The following GAPVD1 variants were observed in gnomAD, a reference collection of about 807,000 sequenced individuals.
GAPVD1 encodes GTPase activating protein and VPS9 domains 1.
In GAPVD1, 35 loss-of-function variants were observed where a neutral mutation model predicts 155.5. That is an observed-to-expected ratio of 0.23 (90% CI 0.17 to 0.30). The LOEUF is 0.30. Among genes scored for constraint, GAPVD1 ranks in the 10% least tolerant of loss-of-function variants. GAPVD1 has a pLI of 1.00. For missense variants in GAPVD1, 1,429 were observed against 1,775.7 expected (o/e 0.80, Z 3.51); for synonymous variants, 636 against 619.7 (o/e 1.03, Z -0.39).
chr9:125,327,840 G>A (rs1294425282), intron 12 of GAPVD1, among the ~76,000 whole-genome samples: 1 of 152,128 alleles, frequency 6.6e-6, no homozygotes, highest in African/African-American at 2.4e-5. Context: ...ACAAGAGATG[G>A]TGGTATCATG....
intron 8 of GAPVD1, chr9:125,308,234 T>G: frequency 3.7e-6 from 1 of 272,240 alleles, no homozygotes; most frequent in Non-Finnish European, 6.9e-6. Flanking sequence ...TGGTCCCTGC[T>G]ACTTGGGAGG....
intron 3 of GAPVD1, among the ~76,000 whole-genome samples, chr9:125,298,686 C>T (rs1157566240): frequency 1.3e-5 from 2 of 151,792 alleles, no homozygotes; most frequent in Admixed American, 1.3e-4. Flanking sequence ...ACAGGGGTTT[C>T]ACCATGTTGG....
At chr9:125,320,292 T>C (rs1377819190) in intron 9 of GAPVD1, among the ~76,000 whole-genome samples, 5 of 152,202 alleles carry the variant, frequency 3.3e-5, no homozygotes, top group Non-Finnish European at 4.4e-5. Context: ...GGTGGAGATA[T>C]ACACACAAAG....
At chr9:125,350,580 A>C in intron 22 of GAPVD1, 133 bp from the exon 23 acceptor site, 1 of 682,506 alleles carries the variant, frequency 1.5e-6, no homozygotes, top group Non-Finnish European at 2.5e-6. Context: ...AGTATTTTCT[A>C]ATTGGGAGTG....
intron 2 of GAPVD1, among the ~76,000 whole-genome samples, chr9:125,283,587 T>C (rs553316078): frequency 7.9e-5 from 12 of 152,174 alleles, no homozygotes; most frequent in African/African-American, 2.6e-4. Flanking sequence ...GGTCCCAAAC[T>C]CCTGGGCTCA....
intron 2 of GAPVD1, among the ~76,000 whole-genome samples, chr9:125,291,364 T>A (rs1214002607): frequency 6.6e-6 from 1 of 152,108 alleles, no homozygotes; most frequent in Non-Finnish European, 1.5e-5. Context: ...GGCAGAACAT[T>A]TGATTTAACT....
chr9:125,263,912 C>T (rs922461845), intron 1 of GAPVD1: 5 of 1,444,478 alleles, frequency 3.5e-6, no homozygotes, highest in South Asian at 2.3e-5. Flanking sequence ...GTAGAAATGT[C>T]TCCAGGCAAA....
At chr9:125,326,621 C>T (rs1281163406) in intron 12 of GAPVD1, 32 bp downstream of exon 12, 9 of 1,511,886 alleles carry the variant, frequency 6.0e-6, no homozygotes, top group East Asian at 2.3e-5. Context: ...TGAAATATCA[C>T]GGTTTAGTTA....
In GAPVD1 at chr9:125,341,275, A is replaced by G; in HGVS notation, c.2965+11A>G. On this transcript the variant is annotated intron_variant, in intron 18 of 27. Coordinates refer to ENST00000297933, the MANE Select transcript of GAPVD1 (RefSeq NM_001282680.3). ...CAGCCATGCCTAAAGGTAATTTTATAAAATATTAGAACGCTGTATTAGCAA... is the reference window on the plus strand; with the variant it reads ...CAGCCATGCCTAAAGGTAATTTTATGAAATATTAGAACGCTGTATTAGCAA... The G allele has an allele frequency of 7.5e-7, 1 of 1,332,450 alleles. No individual in the cohort carries two copies. The highest frequency in any genetic ancestry group is 1.2e-5 in the South Asian group (1 of 82,296). 82.5% of individuals were successfully genotyped at this position (1,332,450 alleles called of 1,614,324 possible). A position where few individuals can be genotyped will look rare whatever the true frequency, so the allele number is the denominator to read the frequency against.
At position 125,354,709 on chromosome 9, in the gene GAPVD1, A is replaced by G; in HGVS notation, c.3625A>G (p.Thr1209Ala). The change falls in exon 24 of 28, where the codon ACA becomes GCA. Residue 1209 changes from threonine to alanine, a missense_variant. Physicochemically the swap from Thr to Ala is moderately conservative, Grantham distance 58. Coordinates refer to ENST00000297933, the MANE Select transcript of GAPVD1 (RefSeq NM_001282680.3). ...TCGTTGTCGACAAGGACTACAGACCACACAGGCTCACCTGGAAAGGCTATT... is the reference window on the plus strand; with the variant it reads ...TCGTTGTCGACAAGGACTACAGACCGCACAGGCTCACCTGGAAAGGCTATT... ...LTRCRQGLQT[T>A]QAHLERLLQR... 6.2e-7 allele frequency: 1 copy of G among 1,613,746 alleles called. No individual in the cohort carries two copies.
intron 3 of GAPVD1, among the ~76,000 whole-genome samples, chr9:125,296,387 ACT>A (rs1288520309): frequency 9.8e-5 from 6 of 61,428 alleles, no homozygotes; most frequent in African/African-American, 7.9e-4. Flanking sequence ...ATGGAGTCTT[ACT>A]CTGTCACCAG....
chr9:125,350,567 T>A, intron 22 of GAPVD1, 146 bp from the exon 23 acceptor site: 1 of 678,620 alleles, frequency 1.5e-6, no homozygotes, highest in Non-Finnish European at 2.5e-6. Flanking sequence ...GATGATTTAT[T>A]AAAGTATTTT....
In GAPVD1 at chr9:125,326,497, T is replaced by C. The variant is rs771739172; in HGVS notation, c.1940T>C (p.Ile647Thr). Reference sequence around the variant, plus strand: ...ATGGGATTAACAGATGATAGGGACATATCAGAAACAGTGAGTGAGACCTGG... The same window carrying C: ...ATGGGATTAACAGATGATAGGGACACATCAGAAACAGTGAGTGAGACCTGG... ...DMMGLTDDRD[I>T]SETVSETWST... Residue 647 changes from isoleucine to threonine, a missense_variant, in exon 12 of 28, where the codon ATA (isoleucine) becomes ACA (threonine). By Grantham distance (89) the Ile-to-Thr change is moderately conservative. This residue lies in a region of GAPVD1 where 699 missense variants were observed against 826.0 expected (regional missense o/e 0.85). Transcript: ENST00000297933. 4 of 1,607,726 alleles carry C rather than the reference T, an allele frequency of 2.5e-6. No individual in the cohort carries two copies. The highest frequency in any genetic ancestry group is 3.4e-6 in the Non-Finnish European group (4 of 1,174,264).
At chr9:125,341,088 A>G in intron 17 of GAPVD1, 89 bp from the exon 18 acceptor site, 1 of 803,484 alleles carries the variant, frequency 1.2e-6, no homozygotes, top group South Asian at 1.4e-5. Flanking sequence ...CTATCTCAAA[A>G]CAAAACAAAA....
chr9:125,273,079 C>G (rs1352753330), intron 2 of GAPVD1, among the ~76,000 whole-genome samples: 1 of 152,132 alleles, frequency 6.6e-6, no homozygotes. Flanking sequence ...TTCTTAGTTA[C>G]TTGGTTTATC....
At chr9:125,338,688 C>T (rs1041154863) in intron 17 of GAPVD1, among the ~76,000 whole-genome samples, 2 of 152,028 alleles carry the variant, frequency 1.3e-5, no homozygotes, top group African/African-American at 2.4e-5. Flanking sequence ...TTTTTCATTG[C>T]ACTTTGTCAG....
At position 125,321,429 on chromosome 9, in the gene GAPVD1, T is replaced by A. The variant is rs1213167044; in HGVS notation, c.1603-4T>A. 2 of 1,606,162 alleles carry A rather than the reference T, an allele frequency of 1.2e-6. No homozygotes were observed. Among genetic ancestry groups the A allele is most frequent in the Admixed American group, 3.4e-5 (2 of 58,218 alleles). On this transcript the variant is annotated splice_region_variant and splice_polypyrimidine_tract_variant and intron_variant, in intron 9 of 27. Transcript: ENST00000297933. ...TAAACCAAAATTGACATTTTATTTT[T>A]TAGGTCCTAAACATGCAGCTTTCGG... is the stretch of plus-strand genomic sequence containing the variant.
intron 2 of GAPVD1, 149 bp downstream of exon 2, chr9:125,269,133 C>T (rs1028676618): frequency 6.6e-6 from 1 of 151,902 alleles, no homozygotes; most frequent in Non-Finnish European, 1.5e-5. Flanking sequence ...CATCATAGCT[C>T]ACTGAAGCCT....
intron 23 of GAPVD1, among the ~76,000 whole-genome samples, chr9:125,351,094 T>C (rs1467866943): frequency 1.3e-5 from 2 of 152,206 alleles, no homozygotes; most frequent in African/African-American, 4.8e-5. Flanking sequence ...TACAGTTCCA[T>C]GTGGCTGGGA....
Sources: gnomAD v4.1 joint callset for allele counts (sites outside exome capture counted in the v4.1 genomes callset) on GRCh38, gnomAD v4.1.1 for gene constraint, gnomAD v4.1.1 regional missense constraint, MANE v1.5 for transcripts, NCBI Gene and HGNC (gene_info 2026-07-23, HGNC 2026-07-21) for gene names.